Variants in ZSCAN5A observed in about 807,000 individuals in gnomAD.
ZSCAN5A encodes zinc finger and SCAN domain containing 5A.
A neutral mutation model predicts 23.7 loss-of-function variants in ZSCAN5A; 12 were observed. The ratio of observed to expected loss-of-function variants is 0.51; its 90% CI spans 0.32 to 0.82. The LOEUF is 0.82. Among genes scored for constraint, ZSCAN5A ranks in the 40% least tolerant of loss-of-function variants. The probability of loss-of-function intolerance (pLI) is 0.03; values close to 1 mark genes in which losing one functional copy is unlikely to be tolerated. For missense variants in ZSCAN5A, 597 were observed against 617.9 expected (o/e 0.97, Z 0.36); for synonymous variants, 257 against 239.9 (o/e 1.07, Z -0.66).
chr19:56,238,489 A>C (rs967351833), intron 2 of ZSCAN5A, among the ~76,000 whole-genome samples: 1 of 152,194 alleles, frequency 6.6e-6, no homozygotes, highest in East Asian at 1.9e-4. Context: ...AAAATTAGCC[A>C]AGTGTGGTGG....
At chr19:56,334,599 TG>T (rs1344225848) in intron 2 of ZSCAN5A, among the ~76,000 whole-genome samples, 1 of 152,180 alleles carries the variant, frequency 6.6e-6, no homozygotes, top group Middle Eastern at 3.2e-3. Context: ...TTATTTTTTG[TG>T]TTACAAACAC....
rs971073966 is a variant in ZSCAN5A at position 56,222,686 on chromosome 19, A to G, written c.644T>C (p.Leu215Pro). 21 of 1,614,014 alleles carry G rather than the reference A, an allele frequency of 1.3e-5. No individual in the cohort carries two copies. Among genetic ancestry groups the G allele is most frequent in the Admixed American group, 5.0e-5 (3 of 59,984 alleles). Residue 215 changes from leucine (L) to proline (P), a missense_variant, in exon 5 of 6, where the codon CTG becomes CCG. Coordinates refer to ENST00000683990, the MANE Select transcript of ZSCAN5A (RefSeq NM_001322064.3). ...CTTCTCCAAGGTCTGCTTGGGTCTC[A>G]GAGACTTTGGGTCACCTGTTACGTC... ...SIDVTGDPKSLRPKQTLEKDL... is the reference protein window; with the variant it reads ...SIDVTGDPKSPRPKQTLEKDL...
At chr19:56,329,004 A>T (rs2041463739) in intron 2 of ZSCAN5A, among the ~76,000 whole-genome samples, 1 of 150,424 alleles carries the variant, frequency 6.6e-6, no homozygotes, top group Non-Finnish European at 1.5e-5. Context: ...CAAAAAAAAA[A>T]AAAAATAAAT....
chr19:56,308,223 G>A lies in ZSCAN5A; in HGVS notation c.-128+5060C>T, dbSNP rs571306047. ...TAAGTTTTGTACTTTTAGTAGAGAC[G>A]GGGTTTCACCATGTTGGCCAGGATG... On this transcript the variant is annotated intron_variant, in intron 2 of 5. Transcript: ENST00000683990. Among the ~76,000 whole-genome samples, 249 of 152,072 alleles carry A rather than the reference G, an allele frequency of 1.6e-3. 2 individuals are homozygous for A. In the East Asian group the frequency reaches 0.032, roughly 19 times the overall value.
chr19:56,313,282 CA>C lies in ZSCAN5A; in HGVS notation c.-128del, dbSNP rs1355050694. On this transcript the variant is annotated splice_region_variant and 5_prime_UTR_variant, in exon 2 of 6. Coordinates refer to ENST00000683990, the MANE Select transcript of ZSCAN5A (RefSeq NM_001322064.3). ...ACAAAAGAAAGGTTTAATGGACTTA[CA>C]GTTTCACGTGGCTGGGGAGGCCTCA... The C allele has an allele frequency of 2.9e-6, 1 of 346,454 alleles. No homozygotes were observed. The highest frequency in any genetic ancestry group is 2.2e-5 in the African/African-American group (1 of 45,302). The allele number at this position is 346,454 out of a possible 1,614,324, so 21.5% of individuals were successfully genotyped here.
chr19:56,240,032 G>T (rs895211043), intron 2 of ZSCAN5A, among the ~76,000 whole-genome samples: 5 of 151,970 alleles, frequency 3.3e-5, no homozygotes, highest in Non-Finnish European at 5.9e-5. Context: ...CGTGGTGGCG[G>T]GCACCTGTAA....
intron 2 of ZSCAN5A, among the ~76,000 whole-genome samples, chr19:56,325,929 A>G (rs74375306): frequency 1.5e-3 from 228 of 151,390 alleles, no homozygotes; most frequent in African/African-American, 5.3e-3. Flanking sequence ...TGATGTATGT[A>G]TATATTGTGG....
intron 2 of ZSCAN5A, among the ~76,000 whole-genome samples, chr19:56,323,208 A>C (rs951237306): frequency 6.6e-6 from 1 of 151,778 alleles, no homozygotes; most frequent in Non-Finnish European, 1.5e-5. Flanking sequence ...TTTCTTAAAA[A>C]TATTTTTTGG....
At position 56,224,726 on chromosome 19, in the gene ZSCAN5A, G is replaced by A. The variant is rs755255762; in HGVS notation, c.321C>T (p.Asn107=). The A allele has an allele frequency of 1.1e-5, 18 of 1,591,202 alleles. 1 individual carries two copies. The Admixed American group carries it at 1.5e-4, about 13-fold the overall frequency. The part of the protein sequence containing the change: ...PQELQVLVMM[N]GVQSCKDLED... ...CCAGGTCTTTGCAGCTCTGCACACC[G>A]TTCATCATGACTAAGACCTGGAGCT... The change falls in exon 3 of 6, where the codon AAC becomes AAT. Residue 107 remains asparagine, a synonymous_variant. Coordinates refer to ENST00000683990, the MANE Select transcript of ZSCAN5A (RefSeq NM_001322064.3).
At chr19:56,359,079 C>T (rs968288317) in intron 2 of ZSCAN5A, among the ~76,000 whole-genome samples, 1 of 150,668 alleles carries the variant, frequency 6.6e-6, no homozygotes, top group African/African-American at 2.4e-5. Flanking sequence ...AAGCACAGAG[C>T]ACAACTGAAG....
intron 2 of ZSCAN5A, among the ~76,000 whole-genome samples, chr19:56,336,996 G>A (rs978725409): frequency 8.5e-5 from 13 of 152,200 alleles, no homozygotes; most frequent in African/African-American, 3.1e-4. Context: ...TGCCCCTACT[G>A]GGGGGTGCCT....
chr19:56,246,442 G>T, intron 2 of ZSCAN5A: 1 of 574,950 alleles, frequency 1.7e-6, no homozygotes, highest in Non-Finnish European at 3.1e-6. Flanking sequence ...TACATCCCCA[G>T]AGCCTCAGCT....
Position 56,366,838 on chromosome 19 carries a change from T to C in ZSCAN5A, c.-522+1371A>G, listed in dbSNP as rs187951152. Reference sequence around the variant, plus strand: ...TGCAGACCATAGAACACTTCCCCTCTCACAACCAAATCTTATCACCATGTT... The same window carrying C: ...TGCAGACCATAGAACACTTCCCCTCCCACAACCAAATCTTATCACCATGTT... On this transcript the variant is annotated intron_variant, in intron 1 of 6. Transcript: ENST00000587340. Among the ~76,000 whole-genome samples the C allele has an allele frequency of 2.1e-4, 32 of 152,266 alleles. No homozygotes were observed. The East Asian group carries it at 6.2e-3, about 29-fold the overall frequency.
chr19:56,361,238 T>C (rs970759797), intron 2 of ZSCAN5A, among the ~76,000 whole-genome samples: 1 of 152,238 alleles, frequency 6.6e-6, no homozygotes, highest in Non-Finnish European at 1.5e-5. Flanking sequence ...GAAATAGGAA[T>C]GCTTTTACAC....
chr19:56,274,121 G>A (rs1457391412), intron 2 of ZSCAN5A, among the ~76,000 whole-genome samples: 1 of 152,130 alleles, frequency 6.6e-6, no homozygotes, highest in Non-Finnish European at 1.5e-5. Context: ...ACATGTATTT[G>A]CAACTGGGGA....
intron 2 of ZSCAN5A, among the ~76,000 whole-genome samples, chr19:56,241,417 CTCA>C (rs1477252956): frequency 7.9e-5 from 12 of 152,174 alleles, no homozygotes; most frequent in Admixed American, 2.6e-4. Context: ...TCTTTTCTCT[CTCA>C]TATTTGTATG....
At chr19:56,350,277 T>C (rs912203699) in intron 2 of ZSCAN5A, among the ~76,000 whole-genome samples, 7 of 152,194 alleles carry the variant, frequency 4.6e-5, no homozygotes, top group African/African-American at 1.7e-4. Context: ...TAATACACAC[T>C]ATGAAAAGGT....
chr19:56,321,548 T>G (rs2041376023), intron 2 of ZSCAN5A: 1 of 750,280 alleles, frequency 1.3e-6, no homozygotes, highest in African/African-American at 1.7e-5. Flanking sequence ...GGTGTCTGTC[T>G]TCTTAAGCAA....
intron 2 of ZSCAN5A, chr19:56,301,807 G>A: frequency 1.4e-6 from 1 of 711,970 alleles, no homozygotes. Context: ...AACCAAGAAG[G>A]GGGAAGCTGG....
Sources: allele counts gnomAD v4.1 joint callset (sites outside exome capture counted in the v4.1 genomes callset), GRCh38; gene constraint gnomAD v4.1.1; transcripts MANE v1.5; gene names NCBI Gene and HGNC (gene_info 2026-07-23, HGNC 2026-07-21).